The following RYK variants were observed in gnomAD, a reference collection of about 807,000 sequenced individuals.
The protein encoded by RYK is inactive tyrosine-protein kinase RYK.
Under a neutral mutation model 70.2 loss-of-function variants are expected in RYK, and 21 were observed. That is an observed-to-expected ratio of 0.30 (90% CI 0.21 to 0.43). The LOEUF is 0.43. RYK is among the 20% of genes least tolerant of loss of function. The probability of loss-of-function intolerance (pLI) is 1.00; values close to 1 mark genes in which losing one functional copy is unlikely to be tolerated. For missense variants in RYK, 604 were observed against 753.3 expected (o/e 0.80, Z 2.32); for synonymous variants, 267 against 278.0 (o/e 0.96, Z 0.39).
chr3:134,159,190 A>G (rs2012363250), intron 14 of RYK, 47 bp downstream of exon 14: 2 of 1,583,636 alleles, frequency 1.3e-6, no homozygotes, highest in Non-Finnish European at 1.7e-6. Flanking sequence ...TTATTCCAAT[A>G]TAGTAAATGG....
At chr3:134,245,745 A>G (rs185599267) in intron 1 of RYK, among the ~76,000 whole-genome samples, 1 of 152,156 alleles carries the variant, frequency 6.6e-6, no homozygotes, top group African/African-American at 2.4e-5. Flanking sequence ...GGCAGCTGGC[A>G]TATCACCAAG....
At chr3:134,197,069 A>G (rs532712851) in intron 6 of RYK, among the ~76,000 whole-genome samples, 1 of 152,326 alleles carries the variant, frequency 6.6e-6, no homozygotes, top group African/African-American at 2.4e-5. Context: ...AACTGCAATT[A>G]CTGCACCAAC....
At chr3:134,245,040 T>C (rs2015426195) in intron 1 of RYK, among the ~76,000 whole-genome samples, 1 of 152,182 alleles carries the variant, frequency 6.6e-6, no homozygotes, top group South Asian at 2.1e-4. Flanking sequence ...CCTCCAAAAC[T>C]GTGAGAAATA....
At chr3:134,173,519 A>C (rs72984501) in intron 13 of RYK, among the ~76,000 whole-genome samples, 2,876 of 152,264 alleles carry the variant, frequency 0.019, 78 homozygotes, top group African/African-American at 0.066. Flanking sequence ...GGAAAAGAAG[A>C]AGCAGGCACC....
At chr3:134,200,385 G>C (rs1005352177) in intron 6 of RYK, among the ~76,000 whole-genome samples, 1 of 152,120 alleles carries the variant, frequency 6.6e-6, no homozygotes, top group Non-Finnish European at 1.5e-5. Context: ...CCTGAAGTCA[G>C]TGAGACCATG....
intron 3 of RYK, among the ~76,000 whole-genome samples, chr3:134,210,316 T>C (rs1215076830): frequency 2.0e-5 from 3 of 152,230 alleles, no homozygotes; most frequent in Non-Finnish European, 2.9e-5. Flanking sequence ...ATCTGATAAA[T>C]TGTCAGCTAT....
chr3:134,160,319 T>C (rs1344128555), intron 13 of RYK, among the ~76,000 whole-genome samples: 4 of 151,752 alleles, frequency 2.6e-5, no homozygotes, highest in Non-Finnish European at 4.4e-5. Flanking sequence ...ATACATATTT[T>C]AATGAGTAAA....
intron 13 of RYK, among the ~76,000 whole-genome samples, chr3:134,159,875 T>G (rs1193071594): frequency 6.6e-6 from 1 of 152,064 alleles, no homozygotes; most frequent in Admixed American, 6.5e-5. Context: ...AGCAATCAGG[T>G]TTATTTAAAA....
chr3:134,202,935 A>AAT (rs1157288109), intron 5 of RYK, 61 bp from the exon 6 acceptor site: 1 of 1,335,844 alleles, frequency 7.5e-7, no homozygotes, highest in Non-Finnish European at 1.1e-6. Context: ...TTTGTGACCC[A>AAT]ATATACATAA....
chr3:134,207,734 C>T (rs1350718058), intron 4 of RYK, among the ~76,000 whole-genome samples: 1 of 152,156 alleles, frequency 6.6e-6, no homozygotes, highest in Non-Finnish European at 1.5e-5. Context: ...CTTCTAGATG[C>T]TCAGTGAAAA....
chr3:134,230,778 A>G (rs2015033290), intron 1 of RYK, among the ~76,000 whole-genome samples: 1 of 152,172 alleles, frequency 6.6e-6, no homozygotes, highest in South Asian at 2.1e-4. Flanking sequence ...TGCATTTTTC[A>G]AAACTCAACC....
chr3:134,212,011 G>A (rs1330999817), intron 2 of RYK, among the ~76,000 whole-genome samples: 4 of 152,188 alleles, frequency 2.6e-5, no homozygotes, highest in Non-Finnish European at 5.9e-5. Flanking sequence ...CAAGCTCGGA[G>A]GGCCTCCTTG....
chr3:134,212,160 T>C (rs9859680), intron 2 of RYK, among the ~76,000 whole-genome samples: 46,673 of 148,884 alleles, frequency 0.31, 8,608 homozygotes, highest in Middle Eastern at 0.47. Context: ...AGATCCCCAT[T>C]TGACCTCTGG....
In RYK at chr3:134,231,049, G is replaced by A. The variant is rs574959264; in HGVS notation, c.233-8510C>T. On this transcript the variant is annotated intron_variant, in intron 1 of 14. Transcript: ENST00000623711. ...ACTCTGTTCCTAATAACAATTTATT[G>A]TTATTACTGGTAATAATAACAAAAA... Among the ~76,000 whole-genome samples the A allele has an allele frequency of 5.9e-5, 9 of 151,944 alleles. No homozygotes were observed. The East Asian group carries it at 1.2e-3, about 20-fold the overall frequency.
chr3:134,242,068 G>A (rs2015338989), intron 1 of RYK, among the ~76,000 whole-genome samples: 1 of 152,184 alleles, frequency 6.6e-6, no homozygotes, highest in African/African-American at 2.4e-5. Flanking sequence ...TTGAAAGGAG[G>A]CCAAGGTGGG....
chr3:134,188,616 T>C (rs542448041), intron 9 of RYK, among the ~76,000 whole-genome samples: 2 of 152,252 alleles, frequency 1.3e-5, no homozygotes, highest in Non-Finnish European at 2.9e-5. Flanking sequence ...AAATGTCTTA[T>C]GTCTTAATTT....
intron 2 of RYK, among the ~76,000 whole-genome samples, chr3:134,212,176 CT>C (rs2014420495): frequency 2.4e-5 from 3 of 122,496 alleles, no homozygotes; most frequent in Admixed American, 9.5e-5. Flanking sequence ...TCTGGATCTA[CT>C]TCTTAAGTGA....
intron 13 of RYK, among the ~76,000 whole-genome samples, chr3:134,166,502 T>C (rs1278673134): frequency 6.6e-6 from 1 of 152,226 alleles, no homozygotes; most frequent in Non-Finnish European, 1.5e-5. Context: ...TTATACGTGA[T>C]TGAAAAGTGA....
intron 10 of RYK, chr3:134,179,166 T>C (rs1020242503): frequency 3.9e-5 from 6 of 152,136 alleles, no homozygotes; most frequent in African/African-American, 1.4e-4. Flanking sequence ...ATTATAAAAA[T>C]GGAGAAAAAT....
Sources: gnomAD v4.1 joint callset for allele counts (sites outside exome capture counted in the v4.1 genomes callset) on GRCh38, gnomAD v4.1.1 for gene constraint, MANE v1.5 for transcripts, NCBI Gene and HGNC (gene_info 2026-07-23, HGNC 2026-07-21) for gene names.